The following PAK6 variants were observed in gnomAD, a reference collection of about 807,000 sequenced individuals.
The protein encoded by PAK6 is p21 (RAC1) activated kinase 6, also known as serine/threonine-protein kinase PAK 6.
Under a neutral mutation model 60.8 loss-of-function variants are expected in PAK6, and 33 were observed. The ratio of observed to expected loss-of-function variants is 0.54; its 90% CI spans 0.41 to 0.73. The LOEUF (loss-of-function observed/expected upper bound fraction) is 0.73. PAK6 is among the 30% of genes least tolerant of loss of function. The pLI, the probability that PAK6 is intolerant of heterozygous loss-of-function variation, is 0.00. For synonymous variants in PAK6, 404 were observed against 378.5 expected (o/e 1.07, Z -0.78); for missense variants, 845 against 904.1 (o/e 0.93, Z 0.84).
intron 4 of PAK6, 80 bp downstream of exon 4, chr15:40,265,069 C>T: frequency 8.2e-7 from 1 of 1,223,954 alleles, no homozygotes; most frequent in Non-Finnish European, 1.1e-6. Context: ...CAGAAAGGCC[C>T]CTGGAGGAAC....
chr15:40,247,245 A>T (rs983672506), intron 2 of PAK6: 1 of 152,310 alleles, frequency 6.6e-6, no homozygotes, highest in African/African-American at 2.4e-5. Flanking sequence ...TCTGCCAGCA[A>T]AAATGCCAGC....
At chr15:40,243,597 G>A (rs543627117) in intron 2 of PAK6, among the ~76,000 whole-genome samples, 70 of 152,308 alleles carry the variant, frequency 4.6e-4, no homozygotes, top group East Asian at 2.1e-3. Flanking sequence ...TACCTTGTTC[G>A]GGGGAATCAG....
exon 11 of PAK6, chr15:40,276,112 CT>C: frequency 1.2e-6 from 2 of 1,611,086 alleles, no homozygotes; most frequent in Non-Finnish European, 1.7e-6. Context: ...CCAAGTATGC[CT>C]GCCACCTACG....
rs144246288 is a variant in PAK6, at chr15:40,266,230, G to A, written c.593G>A (p.Cys198Tyr). 2,007 of 1,610,132 alleles carry A rather than the reference G, an allele frequency of 1.2e-3. 21 individuals are homozygous for A. The African/African-American group carries it at 0.02, about 16-fold the overall frequency. Residue 198 changes from cysteine (C) to tyrosine (Y), a missense_variant, in exon 5 of 11, where the codon TGC becomes TAC. Cys to Tyr is a radical substitution (Grantham distance 194). Coordinates refer to ENST00000560346, the Ensembl canonical transcript of PAK6. Reference sequence around the variant, plus strand: ...CAGCGCTGTCTGCAGCTGGGTGCCTGCCTGCAGAGCTCCCCACCAGGAGCC... The same window carrying A: ...CAGCGCTGTCTGCAGCTGGGTGCCTACCTGCAGAGCTCCCCACCAGGAGCC...
At chr15:40,266,543 G>A (rs748556) in intron 5 of PAK6, 48 bp downstream of exon 5, 1,079,882 of 1,521,554 alleles carry the variant, frequency 0.71, 392,026 homozygotes, top group Non-Finnish European at 0.76. Context: ...AGTGGGTGTA[G>A]GGACACAGGC....
chr15:40,274,733 G>A (rs927540386), intron 10 of PAK6, among the ~76,000 whole-genome samples: 3 of 152,170 alleles, frequency 2.0e-5, no homozygotes, highest in Non-Finnish European at 4.4e-5. Context: ...TGCACACCCC[G>A]ACACAGCTAA....
intron 3 of PAK6, among the ~76,000 whole-genome samples, chr15:40,261,990 C>T (rs762982623): frequency 1.3e-4 from 19 of 151,954 alleles, no homozygotes; most frequent in Non-Finnish European, 2.1e-4. Context: ...CCTGTGCATC[C>T]CCACAGCAAA....
At chr15:40,273,269 C>T (rs554993846) in intron 7 of PAK6, 77 bp from the exon 8 acceptor site, 1 of 1,540,232 alleles carries the variant, frequency 6.5e-7, no homozygotes, top group Admixed American at 1.7e-5. Flanking sequence ...ACCAGGGACT[C>T]CTACTCTGCT....
At chr15:40,242,350 C>G (rs2038378398) in intron 2 of PAK6, among the ~76,000 whole-genome samples, 2 of 152,254 alleles carry the variant, frequency 1.3e-5, no homozygotes, top group Admixed American at 1.3e-4. Flanking sequence ...GCAGGAAGGA[C>G]TCATGGGAGG....
exon 4 of PAK6, chr15:40,264,875 A>C (rs897183037): frequency 6.2e-6 from 10 of 1,613,976 alleles, no homozygotes; most frequent in African/African-American, 1.3e-5. Flanking sequence ...ACCCCAAAGA[A>C]GGCAAGTTTG....
chr15:40,265,926 T>C, exon 5 of PAK6: 1 of 1,605,926 alleles, frequency 6.2e-7, no homozygotes, highest in Non-Finnish European at 8.5e-7. Flanking sequence ...AGTCATCAGC[T>C]CCAACACCCT....
At chr15:40,262,961 G>A (rs2039021784) in intron 3 of PAK6, among the ~76,000 whole-genome samples, 1 of 152,172 alleles carries the variant, frequency 6.6e-6, no homozygotes, top group South Asian at 2.1e-4. Context: ...GGTCTGTAAG[G>A]GTCCTGTACA....
At chr15:40,263,050 G>A (rs1042101836) in intron 3 of PAK6, among the ~76,000 whole-genome samples, 3 of 152,218 alleles carry the variant, frequency 2.0e-5, no homozygotes, top group African/African-American at 7.2e-5. Context: ...GAGATGTGAC[G>A]TGGGCTCTGA....
rs141761526 is a variant in PAK6 at position 40,273,596 on chromosome 15, G to C, written c.1663G>C (p.Val555Leu). 7 of 1,613,932 alleles carry C rather than the reference G, an allele frequency of 4.3e-6. No individual in the cohort carries two copies. The highest frequency in any genetic ancestry group is 5.1e-6 in the Non-Finnish European group (6 of 1,180,028). The change falls in exon 9 of 11, where the codon GTC becomes CTC. Residue 555 changes from valine to leucine, a missense_variant. Transcript: ENST00000560346. ...ATTCTGTGCTCAGATCAGCAAAGAC[G>C]TCCCTAAGAGGAAGTCCCTGGTGGG...
At chr15:40,277,165 A>C (rs994525404) in exon 11 of PAK6, 7 of 152,254 alleles carry the variant, frequency 4.6e-5, no homozygotes. Flanking sequence ...CCATCATGTC[A>C]AGGTCACAGG....
chr15:40,266,405 G>A (rs974036594), exon 5 of PAK6: 1 of 1,613,176 alleles, frequency 6.2e-7, no homozygotes, highest in Non-Finnish European at 8.5e-7. Context: ...AGAGCAGCCT[G>A]AAGCGCAGGC....
At chr15:40,266,337 G>A (rs771616530) in exon 5 of PAK6, 3 of 1,612,320 alleles carry the variant, frequency 1.9e-6, no homozygotes, top group Non-Finnish European at 2.5e-6. Context: ...GTCCTGCCTG[G>A]TGGGCTCAGC....
At chr15:40,258,939 TCC>T (rs1285378815) in intron 3 of PAK6, 1 of 152,436 alleles carries the variant, frequency 6.6e-6, no homozygotes, top group African/African-American at 2.4e-5. Context: ...GTGGCCTCCC[TCC>T]CCTGTGTTAA....
At chr15:40,247,796 C>T (rs184435263) in intron 2 of PAK6, among the ~76,000 whole-genome samples, 46 of 152,280 alleles carry the variant, frequency 3.0e-4, no homozygotes, top group Non-Finnish European at 5.6e-4. Flanking sequence ...GGTGAACAGA[C>T]CTGTTGGGTT....
Sources: allele counts gnomAD v4.1 joint callset (sites outside exome capture counted in the v4.1 genomes callset), GRCh38; gene constraint gnomAD v4.1.1; transcripts MANE v1.5; gene names NCBI Gene and HGNC (gene_info 2026-07-23, HGNC 2026-07-21).